ARHGAP22: variants seen among roughly 807,000 people sequenced by gnomAD.
ARHGAP22 encodes the protein Rho GTPase activating protein 22.
A neutral mutation model predicts 59.1 loss-of-function variants in ARHGAP22; 48 were observed. That is an observed-to-expected ratio of 0.81 (90% CI 0.64 to 1.03). The LOEUF (loss-of-function observed/expected upper bound fraction) is 1.03. Among genes scored for constraint, ARHGAP22 ranks in the 50% least tolerant of loss-of-function variants. The probability of loss-of-function intolerance (pLI) is 0.00; values close to 1 mark genes in which losing one functional copy is unlikely to be tolerated. For missense variants in ARHGAP22, 1,015 were observed against 958.7 expected, an observed-to-expected ratio of 1.06 and a Z score of -0.78; for synonymous variants, 445 against 416.4, an observed-to-expected ratio of 1.07 and a Z score of -0.84.
intron 3 of ARHGAP22, among the ~76,000 whole-genome samples, chr10:48,518,178 G>A (rs1296140915): frequency 2.6e-5 from 4 of 152,138 alleles, no homozygotes; most frequent in Non-Finnish European, 4.4e-5. Context: ...AGCAAGGCCC[G>A]CAGGACGGCA....
chr10:48,557,754 C>T, intron 2 of ARHGAP22, among the ~76,000 whole-genome samples: 1 of 152,242 alleles, frequency 6.6e-6, no homozygotes, highest in Middle Eastern at 3.2e-3. Flanking sequence ...GTGCCCCCCA[C>T]CACTGCAGGG....
At chr10:48,531,943 T>A (rs915460991) in intron 3 of ARHGAP22, among the ~76,000 whole-genome samples, 1 of 152,182 alleles carries the variant, frequency 6.6e-6, no homozygotes, top group African/African-American at 2.4e-5. Context: ...GGGTTATTGC[T>A]CCTAGCTTTT....
chr10:48,539,379 C>T (rs1470383300), intron 3 of ARHGAP22, among the ~76,000 whole-genome samples: 1 of 143,600 alleles, frequency 7.0e-6, no homozygotes, highest in Non-Finnish European at 1.5e-5. Flanking sequence ...GCAAGCTCCG[C>T]CTCCCGGGTT....
chr10:48,445,396 A>G, downstream of ARHGAP22: 1 of 152,448 alleles, frequency 6.6e-6, no homozygotes, highest in Non-Finnish European at 1.5e-5. Context: ...CTGGTCCCAG[A>G]GGCGCTGCTG....
chr10:48,464,799 C>T (rs1489080775), intron 4 of ARHGAP22, among the ~76,000 whole-genome samples: 1 of 152,138 alleles, frequency 6.6e-6, no homozygotes, highest in Admixed American at 6.5e-5. Context: ...AGGATCACAC[C>T]TGTCTTTAGG....
chr10:48,505,796 G>C (rs1318182270), intron 3 of ARHGAP22, among the ~76,000 whole-genome samples: 1 of 152,200 alleles, frequency 6.6e-6, no homozygotes, highest in Non-Finnish European at 1.5e-5. Context: ...ATGTAGCCAA[G>C]GCCTGTAAGG....
intron 3 of ARHGAP22, among the ~76,000 whole-genome samples, chr10:48,514,453 G>C (rs2053096103): frequency 1.3e-5 from 2 of 152,056 alleles, no homozygotes; most frequent in Non-Finnish European, 2.9e-5. Context: ...AATACTGAAA[G>C]AGAAAAAAAT....
At chr10:48,499,838 C>G (rs2051322024) in intron 3 of ARHGAP22, among the ~76,000 whole-genome samples, 1 of 152,122 alleles carries the variant, frequency 6.6e-6, no homozygotes, top group Non-Finnish European at 1.5e-5. Flanking sequence ...GAAATGCATT[C>G]TATGTATATA....
intron 3 of ARHGAP22, among the ~76,000 whole-genome samples, chr10:48,545,095 T>C (rs2056315523): frequency 6.6e-6 from 1 of 152,244 alleles, no homozygotes; most frequent in South Asian, 2.1e-4. Flanking sequence ...AAATACATTA[T>C]TAAGAACAAT....
At chr10:48,550,413 C>T (rs955846021) in intron 3 of ARHGAP22, among the ~76,000 whole-genome samples, 5 of 152,210 alleles carry the variant, frequency 3.3e-5, no homozygotes, top group African/African-American at 9.6e-5. Flanking sequence ...CCAAACCAGC[C>T]TTGCCTTCCT....
chr10:48,452,831 A>G (rs1296893794), intron 8 of ARHGAP22, among the ~76,000 whole-genome samples: 1 of 152,140 alleles, frequency 6.6e-6, no homozygotes, highest in Non-Finnish European at 1.5e-5. Context: ...AGCACTTGGT[A>G]GAAGCTTACT....
At chr10:48,613,869 G>A (rs1262839008) in intron 1 of ARHGAP22, among the ~76,000 whole-genome samples, 2 of 152,168 alleles carry the variant, frequency 1.3e-5, no homozygotes, top group Non-Finnish European at 2.9e-5. Context: ...AGGTGATCAG[G>A]CCCTAAGGAC....
rs566677779 is a variant in ARHGAP22 at position 48,619,587 on chromosome 10, G to A, written c.52+32647C>T. Reference sequence around the variant, plus strand: ...ACAAAGGCACAAGAGCATACATTGGGGGAAGGACACTGTCTTCAATAAATG... The same window carrying A: ...ACAAAGGCACAAGAGCATACATTGGAGGAAGGACACTGTCTTCAATAAATG... On this transcript the variant is annotated intron_variant, in intron 1 of 9. Coordinates refer to the ARHGAP22 transcript ENST00000435790. Among the ~76,000 whole-genome samples, 5 of 152,232 alleles carry A rather than the reference G, an allele frequency of 3.3e-5. No homozygotes were observed. In the South Asian group the frequency reaches 1.0e-3, roughly 32 times the overall value.
chr10:48,613,187 G>A lies in ARHGAP22; in HGVS notation c.53-30035C>T, dbSNP rs555389328. Among the ~76,000 whole-genome samples, 16 of 152,232 alleles carry A rather than the reference G, an allele frequency of 1.1e-4. No individual in the cohort carries two copies. In the South Asian group the frequency reaches 3.1e-3, roughly 30 times the overall value. ...GTGACTCTTCTTTTAAGGCTCTCTT[G>A]TGTGTCACATGCTTCTTAATGGAGC... On this transcript the variant is annotated intron_variant, in intron 1 of 9. Transcript: ENST00000435790.
At chr10:48,514,892 G>A (rs2053141653) in intron 3 of ARHGAP22, among the ~76,000 whole-genome samples, 1 of 152,074 alleles carries the variant, frequency 6.6e-6, no homozygotes, top group South Asian at 2.1e-4. Flanking sequence ...TTTAAATTAA[G>A]AGGCTAATTG....
intron 1 of ARHGAP22, among the ~76,000 whole-genome samples, chr10:48,626,830 C>T (rs1313752230): frequency 1.3e-5 from 2 of 152,160 alleles, no homozygotes; most frequent in African/African-American, 4.8e-5. Context: ...TCAAAGGCAC[C>T]TGAGGCAAGG....
chr10:48,559,870 T>C (rs1018863840), intron 2 of ARHGAP22, among the ~76,000 whole-genome samples: 3 of 152,228 alleles, frequency 2.0e-5, no homozygotes, highest in African/African-American at 7.2e-5. Flanking sequence ...CTTTGGAATC[T>C]ACTTATAGCA....
At position 48,447,114 on chromosome 10, in the gene ARHGAP22, C is replaced by T. The variant is rs189822439; in HGVS notation, c.1869-495G>A. On this transcript the variant is annotated intron_variant, in intron 9 of 9. Transcript: ENST00000249601. ...GTAGTCACTTCCCTTCCTGCTCTCC[C>T]GTCATGTTCAGCTCAAGCGCCCCCT... 5.9e-4 allele frequency among the ~76,000 whole-genome samples: 90 copies of T among 152,284 alleles called. 1 individual carries two copies. Among genetic ancestry groups the T allele is most frequent in the African/African-American group, 2.0e-3 (83 of 41,554 alleles).
chr10:48,523,642 G>T (rs1195538290), intron 3 of ARHGAP22, among the ~76,000 whole-genome samples: 1 of 152,082 alleles, frequency 6.6e-6, no homozygotes, highest in African/African-American at 2.4e-5. Context: ...GCGGCGCAGG[G>T]CGCGCGCCGG....
Sources: allele counts gnomAD v4.1 joint callset (sites outside exome capture counted in the v4.1 genomes callset), GRCh38; gene constraint gnomAD v4.1.1; transcripts MANE v1.5; gene names NCBI Gene and HGNC (gene_info 2026-07-23, HGNC 2026-07-21).